Variants in GARRE1 observed in about 807,000 individuals in gnomAD.
The protein encoded by GARRE1 is granule associated Rac and RHOG effector 1, also known as granule associated Rac and RHOG effector protein 1.
Under a neutral mutation model 103.2 loss-of-function variants are expected in GARRE1, and 49 were observed. That is an observed-to-expected ratio of 0.47 (90% CI 0.38 to 0.60). GARRE1 has a LOEUF of 0.60. GARRE1 is among the 20% of genes least tolerant of loss of function. The pLI, the probability that GARRE1 is intolerant of heterozygous loss-of-function variation, is 0.00. For synonymous variants in GARRE1, 505 were observed against 532.8 expected (o/e 0.95, Z 0.72); for missense variants, 1,199 against 1,370.5 (o/e 0.87, Z 1.98).
At chr19:34,272,759 T>C (rs1468627958) in intron 1 of GARRE1, among the ~76,000 whole-genome samples, 3 of 152,166 alleles carry the variant, frequency 2.0e-5, no homozygotes, top group Non-Finnish European at 4.4e-5. Context: ...GGTGCAAGAA[T>C]GGAGAGCTCA....
At position 34,352,848 on chromosome 19, in the gene GARRE1, A is replaced by ACGCC; in HGVS notation, c.3107_3108insGCCC (p.Gln1039ThrfsTer24). ...TGCCGCTGCCTTCTCCTATGTGCAG[A>ACGCC]CCCCACCCCAGCCCCCACCCCCACC... On this transcript the variant is annotated frameshift_variant, in exon 14 of 14. Coordinates refer to ENST00000299505, the MANE Select transcript of GARRE1 (RefSeq NM_014686.5). LOFTEE classifies it high-confidence loss of function. 8 of 1,591,618 alleles carry ACGCC rather than the reference A, an allele frequency of 5.0e-6. No individual in the cohort carries two copies. The highest frequency in any genetic ancestry group is 6.9e-6 in the Non-Finnish European group (8 of 1,166,604).
chr19:34,259,230 G>T (rs999415891), intron 1 of GARRE1, among the ~76,000 whole-genome samples: 3 of 152,198 alleles, frequency 2.0e-5, no homozygotes, highest in African/African-American at 7.2e-5. Context: ...TGTCCTTCCT[G>T]ACTCTTAAGG....
intron 1 of GARRE1, among the ~76,000 whole-genome samples, chr19:34,293,451 A>G (rs1013845123): frequency 1.3e-5 from 2 of 150,840 alleles, no homozygotes; most frequent in African/African-American, 4.9e-5. Context: ...GCTGGAGTGC[A>G]GTGGTGTGAT....
chr19:34,299,077 C>T (rs2073963346), intron 1 of GARRE1, among the ~76,000 whole-genome samples: 1 of 152,168 alleles, frequency 6.6e-6, no homozygotes, highest in East Asian at 1.9e-4. Context: ...GTTTCTGCAC[C>T]CTGCACTTAA....
intron 1 of GARRE1, among the ~76,000 whole-genome samples, chr19:34,264,926 G>A (rs144073144): frequency 3.9e-5 from 6 of 152,098 alleles, no homozygotes; most frequent in Admixed American, 6.5e-5. Context: ...TACATTAACC[G>A]TGAGTCTGTT....
At chr19:34,351,823 G>A (rs1020951962) in intron 13 of GARRE1, among the ~76,000 whole-genome samples, 5 of 152,350 alleles carry the variant, frequency 3.3e-5, no homozygotes, top group East Asian at 3.9e-4. Context: ...AATTCAGGCC[G>A]GGTGTGGTGG....
rs61497245 is a variant in GARRE1, at chr19:34,276,849, CTGTGA to C, written c.-796+22236_-796+22240del. ...GGGCAGCACACTTGTGAGAATCCAGCTGTGAACAAGCCATTGCTGTCTTTAGGAGC... is the reference window on the plus strand; with the variant it reads ...GGGCAGCACACTTGTGAGAATCCAGCACAAGCCATTGCTGTCTTTAGGAGC... On this transcript the variant is annotated intron_variant, in intron 1 of 13. Transcript: ENST00000299505. Among the ~76,000 whole-genome samples the C allele has an allele frequency of 6.6e-3, 1,006 of 152,316 alleles. 13 individuals are homozygous for C. The highest frequency in any genetic ancestry group is 0.023 in the African/African-American group (963 of 41,558).
intron 3 of GARRE1, among the ~76,000 whole-genome samples, chr19:34,321,681 T>C (rs1305895042): frequency 6.6e-6 from 1 of 152,176 alleles, no homozygotes; most frequent in African/African-American, 2.4e-5. Flanking sequence ...TTTCACCGTC[T>C]TGGCCAGGCT....
In GARRE1 at chr19:34,351,562, T is replaced by C; in HGVS notation, c.2874T>C (p.Pro958=). ...EQDTSTLPSP[P]LLTTVEDVNQ... is the part of the protein sequence containing the mutation. ...ACACCAGCACGCTGCCCTCACCACC[T>C]CTCCTCACCACGGTGGAGGATGTGA... Residue 958 remains proline, a synonymous_variant, in exon 13 of 14, where the codon CCT becomes CCC. Coordinates refer to ENST00000299505, the MANE Select transcript of GARRE1 (RefSeq NM_014686.5). 6.2e-7 allele frequency: 1 copy of C among 1,613,766 alleles called. No homozygotes were observed. The highest frequency in any genetic ancestry group is 8.5e-7 in the Non-Finnish European group (1 of 1,179,770).
At chr19:34,352,451 C>T (rs1211844657) in intron 13 of GARRE1, among the ~76,000 whole-genome samples, 196 bp from the exon 14 acceptor site, 5 of 151,162 alleles carry the variant, frequency 3.3e-5, no homozygotes, top group Admixed American at 6.6e-5. Flanking sequence ...TCACATGTGG[C>T]GAGTGGCTAC....
At chr19:34,295,620 C>G (rs2073943168) in intron 1 of GARRE1, among the ~76,000 whole-genome samples, 1 of 152,004 alleles carries the variant, frequency 6.6e-6, no homozygotes, top group Admixed American at 6.6e-5. Flanking sequence ...GCTTAAAACT[C>G]CTGGGCTCAA....
intron 1 of GARRE1, among the ~76,000 whole-genome samples, chr19:34,274,935 AT>A (rs1297405336): frequency 6.6e-6 from 1 of 152,210 alleles, no homozygotes; most frequent in Non-Finnish European, 1.5e-5. Context: ...GATATTTTAA[AT>A]TTATGAATGT....
intron 1 of GARRE1, among the ~76,000 whole-genome samples, chr19:34,286,554 G>A (rs892169383): frequency 7.7e-5 from 11 of 142,724 alleles, no homozygotes; most frequent in African/African-American, 2.4e-4. Flanking sequence ...TTTTTGAGAC[G>A]GAGTCTGGCT....
At chr19:34,292,644 C>T (rs562062987) in intron 1 of GARRE1, among the ~76,000 whole-genome samples, 4 of 152,172 alleles carry the variant, frequency 2.6e-5, no homozygotes, top group African/African-American at 4.8e-5. Context: ...GGCACGATTT[C>T]GGCTCATTGC....
At chr19:34,277,182 GA>G (rs765031524) in intron 1 of GARRE1, among the ~76,000 whole-genome samples, 92 of 152,206 alleles carry the variant, frequency 6.0e-4, no homozygotes, top group Non-Finnish European at 1.1e-3. Flanking sequence ...TGAGACTCAG[GA>G]GGCACGACAT....
At chr19:34,336,374 C>T (rs944030558) in intron 8 of GARRE1, among the ~76,000 whole-genome samples, 2 of 152,054 alleles carry the variant, frequency 1.3e-5, no homozygotes, top group African/African-American at 4.8e-5. Context: ...TTCTATCAAA[C>T]AGTAAACCAG....
rs2074041674 is a variant in GARRE1 at position 34,312,490 on chromosome 19, C to G, written c.496-7417C>G. ...CAGCTCCTGGCAACGAACATTCTTT[C>G]TACCTCTATAAATTTGACTACTCTA... On this transcript the variant is annotated intron_variant, in intron 2 of 13. Transcript: ENST00000299505. Among the ~76,000 whole-genome samples the G allele has an allele frequency of 1.3e-5, 2 of 152,186 alleles. 1 individual carries two copies. The highest frequency in any genetic ancestry group is 4.1e-4 in the South Asian group (2 of 4,836).
Position 34,330,274 on chromosome 19 carries a change from A to T in GARRE1, c.1190A>T (p.Asn397Ile), listed in dbSNP as rs1403219609. 6.2e-7 allele frequency: 1 copy of T among 1,614,198 alleles called. No individual in the cohort carries two copies. The highest frequency in any genetic ancestry group is 2.2e-5 in the East Asian group (1 of 44,886). ...GATTTTCCTGTGACTGAAGTGCTGA[A>T]CCAGGTTTGCCCTTCCACATGGCGA... ...RDDFPVTEVL[N>I]QVCPSTWRGA... Residue 397 changes from asparagine (N) to isoleucine (I), a missense_variant, in exon 7 of 14, where the codon AAC becomes ATC. By Grantham distance (149) the Asn-to-Ile change is moderately radical (BLOSUM62 -3). Transcript: ENST00000299505.
intron 2 of GARRE1, among the ~76,000 whole-genome samples, chr19:34,305,080 C>T (rs2074001590): frequency 1.3e-5 from 2 of 152,216 alleles, no homozygotes; most frequent in Admixed American, 6.5e-5. Context: ...GCGTGAGCCA[C>T]CGTGCCCGGC....
Sources: gnomAD v4.1 joint callset for allele counts (sites outside exome capture counted in the v4.1 genomes callset) on GRCh38, gnomAD v4.1.1 for gene constraint, MANE v1.5 for transcripts, NCBI Gene and HGNC (gene_info 2026-07-23, HGNC 2026-07-21) for gene names.